Variants in ELP1 observed in about 807,000 individuals in gnomAD.
ELP1 encodes elongator complex protein 1.
ELP1 carries 131 observed loss-of-function variants against 183.2 expected under a neutral mutation model. That is an observed-to-expected ratio of 0.72 (90% CI 0.62 to 0.83). The LOEUF is 0.83. Ranked by LOEUF, ELP1 falls within the 40% of genes least tolerant of loss-of-function variation. The pLI is 0.00. For synonymous variants in ELP1, 555 were observed against 569.0 expected, an observed-to-expected ratio of 0.98 and a Z score of 0.35; for missense variants, 1,550 against 1,594.9, an observed-to-expected ratio of 0.97 and a Z score of 0.48.
chr9:108,896,458 C>T (rs1828550198), intron 25 of ELP1, 38 bp downstream of exon 25: 1 of 1,606,428 alleles, frequency 6.2e-7, no homozygotes, highest in South Asian at 1.1e-5. Flanking sequence ...ATTATATAAA[C>T]AAGAACCAAA....
chr9:108,882,404 A>G (rs537545233), intron 29 of ELP1, among the ~76,000 whole-genome samples: 23 of 152,182 alleles, frequency 1.5e-4, no homozygotes, highest in African/African-American at 5.1e-4. Context: ...GACAAAACAC[A>G]AGGTAAGCAT....
chr9:108,889,301 G>T, intron 29 of ELP1, 31 bp downstream of exon 29: 3 of 1,585,522 alleles, frequency 1.9e-6, no homozygotes, highest in Non-Finnish European at 2.6e-6. Flanking sequence ...CTTGCTGACT[G>T]GGGGGTTTAG....
At chr9:108,912,223 G>A in intron 11 of ELP1, 41 bp downstream of exon 11, 2 of 1,477,658 alleles carry the variant, frequency 1.4e-6, no homozygotes, top group Non-Finnish European at 1.9e-6. Flanking sequence ...CTAGGCTCAG[G>A]ACCCCTTGCA....
intron 13 of ELP1, 127 bp downstream of exon 13, chr9:108,908,178 G>T: frequency 2.7e-6 from 2 of 735,458 alleles, no homozygotes; most frequent in Non-Finnish European, 4.9e-6. Flanking sequence ...GAAAGTCAGG[G>T]CCTGGGTGTT....
chr9:108,893,124 G>T, intron 26 of ELP1, 41 bp from the exon 27 acceptor site: 1 of 1,415,170 alleles, frequency 7.1e-7, no homozygotes, highest in Non-Finnish European at 1.0e-6. Context: ...CTTAAGACAT[G>T]GGAAGCATAA....
At chr9:108,932,940 T>A (rs1435349703) in intron 1 of ELP1, among the ~76,000 whole-genome samples, 1 of 152,226 alleles carries the variant, frequency 6.6e-6, no homozygotes, top group Non-Finnish European at 1.5e-5. Flanking sequence ...AATTTCCTGA[T>A]AACTGCTTCA....
At chr9:108,889,591 CA>C in intron 28 of ELP1, 198 bp from the exon 29 acceptor site, 1 of 632,952 alleles carries the variant, frequency 1.6e-6, no homozygotes. Flanking sequence ...AAATCATATA[CA>C]GCCAAAATTA....
intron 12 of ELP1, among the ~76,000 whole-genome samples, chr9:108,908,822 C>A (rs73512464): frequency 0.059 from 8,984 of 152,210 alleles, 901 homozygotes; most frequent in African/African-American, 0.21. Context: ...CTGTTCTAAG[C>A]CCTCTGGTGG....
chr9:108,922,412 G>A (rs1374064810), intron 6 of ELP1, among the ~76,000 whole-genome samples: 1 of 152,046 alleles, frequency 6.6e-6, no homozygotes, highest in African/African-American at 2.4e-5. Flanking sequence ...CAATCCAGAA[G>A]TAAGGAAAAC....
rs1371566738 is a variant in ELP1, at chr9:108,901,511, G to T, written c.1928C>A (p.Ser643Ter). 6.2e-7 allele frequency: 1 copy of T among 1,613,858 alleles called. No homozygotes were observed. Among genetic ancestry groups the T allele is most frequent in the Non-Finnish European group, 8.5e-7 (1 of 1,179,860 alleles). Residue 643 changes from serine to a stop codon, truncating the protein, a stop_gained, in exon 18 of 37, where the codon TCA becomes TAA. Coordinates refer to ENST00000374647, the MANE Select transcript of ELP1 (RefSeq NM_003640.5). LOFTEE classifies it high-confidence loss of function. ...TAAAAACTCATCATATACTGCAAAT[G>T]ACGTGATATTTGACGCAACCTGCAA... ...NDIEVASNITSFAVYDEFLLL... is the reference protein window; with the variant it reads ...NDIEVASNIT
At chr9:108,870,183 T>C (rs1330823652) in intron 36 of ELP1, among the ~76,000 whole-genome samples, 1 of 152,014 alleles carries the variant, frequency 6.6e-6, no homozygotes, top group East Asian at 1.9e-4. Context: ...CCCAGGCTAC[T>C]CTCAAAACTC....
intron 5 of ELP1, among the ~76,000 whole-genome samples, chr9:108,923,683 G>T (rs1355024073): frequency 6.6e-6 from 1 of 152,190 alleles, no homozygotes; most frequent in African/African-American, 2.4e-5. Flanking sequence ...CTTAGAGATT[G>T]AGACCCTCCC....
At chr9:108,875,160 T>A (rs1827658653) in intron 35 of ELP1, among the ~76,000 whole-genome samples, 190 bp from the exon 36 acceptor site, 2 of 152,210 alleles carry the variant, frequency 1.3e-5, no homozygotes, top group Admixed American at 1.3e-4. Flanking sequence ...AGACTTCTAA[T>A]TCTCCTTTCT....
intron 36 of ELP1, among the ~76,000 whole-genome samples, chr9:108,873,634 A>T (rs981254442): frequency 6.6e-6 from 1 of 152,186 alleles, no homozygotes; most frequent in African/African-American, 2.4e-5. Context: ...GCAACGAGGA[A>T]CACAGGAGGC....
At chr9:108,897,369 T>C (rs535922416) in intron 22 of ELP1, 84 bp from the exon 23 acceptor site, 23 of 1,402,652 alleles carry the variant, frequency 1.6e-5, no homozygotes, top group East Asian at 1.1e-4. Flanking sequence ...GGCATGCTGA[T>C]GATGATAAAT....
At position 108,882,175 on chromosome 9, in the gene ELP1, CT is replaced by C; in HGVS notation, c.3234del (p.Ala1079LeufsTer6). The C allele has an allele frequency of 2.5e-6, 4 of 1,613,278 alleles. No individual in the cohort carries two copies. Among genetic ancestry groups the C allele is most frequent in the Non-Finnish European group, 3.4e-6 (4 of 1,179,828 alleles). On this transcript the variant is annotated frameshift_variant, in exon 30 of 37. Transcript: ENST00000374647. LOFTEE classifies it high-confidence loss of function. ...GCTCCTTCTAACAGCAAGAGCACAGCTTCTTCATAATCCTGACAAGGGAACA... is the reference window on the plus strand; with the variant it reads ...GCTCCTTCTAACAGCAAGAGCACAGCTCTTCATAATCCTGACAAGGGAACA... ...VLEECAQDYE[E>X]AVLLLLEGAA... is the part of the protein sequence containing the mutation.
intron 13 of ELP1, 92 bp downstream of exon 13, chr9:108,908,213 C>T: frequency 2.2e-6 from 2 of 915,314 alleles, no homozygotes; most frequent in Admixed American, 3.7e-5. Context: ...TTCCACTCAG[C>T]AACAGGCATA....
chr9:108,884,128 C>G (rs1368069487), intron 29 of ELP1, among the ~76,000 whole-genome samples: 1 of 151,982 alleles, frequency 6.6e-6, no homozygotes, highest in Admixed American at 6.5e-5. Context: ...CAAGAGAAAG[C>G]TGGAAGAATT....
intron 28 of ELP1, chr9:108,889,797 A>G (rs796546292): frequency 1.5e-5 from 4 of 258,448 alleles, no homozygotes; most frequent in African/African-American, 4.4e-5. Flanking sequence ...ATAAACCACA[A>G]TGAGAGGCAC....
Sources: gnomAD v4.1 joint callset for allele counts (sites outside exome capture counted in the v4.1 genomes callset) on GRCh38, gnomAD v4.1.1 for gene constraint, MANE v1.5 for transcripts, NCBI Gene and HGNC (gene_info 2026-07-23, HGNC 2026-07-21) for gene names.